FBXL18: variants seen among roughly 807,000 people sequenced by gnomAD.
FBXL18 encodes the protein F-box and leucine rich repeat protein 18, also known as F-box/LRR-repeat protein 18.
In FBXL18, 36 loss-of-function variants were observed where a neutral mutation model predicts 46.0. That is an observed-to-expected ratio of 0.78 (90% CI 0.60 to 1.03). The LOEUF (loss-of-function observed/expected upper bound fraction) is 1.03. Among genes scored for constraint, FBXL18 ranks in the 50% least tolerant of loss-of-function variants. FBXL18 has a pLI of 0.00. For synonymous variants in FBXL18, 557 were observed against 465.3 expected (o/e 1.20, Z -2.54); for missense variants, 977 against 1,004.1 (o/e 0.97, Z 0.36).
downstream of FBXL18, among the ~76,000 whole-genome samples, chr7:5,471,336 G>T (rs1783423869): frequency 6.6e-6 from 1 of 152,210 alleles, no homozygotes; most frequent in Non-Finnish European, 1.5e-5. Context: ...GAGTGCAGTG[G>T]CGCGATCTCG....
At chr7:5,473,810 T>C (rs1485431607), downstream of FBXL18, among the ~76,000 whole-genome samples, 2 of 151,954 alleles carry the variant, frequency 1.3e-5, no homozygotes, top group Non-Finnish European at 1.5e-5. Flanking sequence ...ACTCTTTTTT[T>C]AGGTGGAGTC....
chr7:5,468,394 G>A (rs1056088508), intron 4 of FBXL18, among the ~76,000 whole-genome samples: 1 of 152,180 alleles, frequency 6.6e-6, no homozygotes, highest in Admixed American at 6.6e-5. Flanking sequence ...TGGGATTACA[G>A]GCGTGAGCCA....
chr7:5,505,740 T>C, intron 1 of FBXL18, 110 bp from the exon 2 acceptor site: 1 of 843,712 alleles, frequency 1.2e-6, no homozygotes, highest in Non-Finnish European at 1.8e-6. Flanking sequence ...GGAAAGAAGG[T>C]GTTTTTACTA....
intron 4 of FBXL18, among the ~76,000 whole-genome samples, chr7:5,462,193 A>C (rs1375221396): frequency 6.6e-6 from 1 of 152,142 alleles, no homozygotes; most frequent in East Asian, 1.9e-4. Flanking sequence ...GCACCACTGC[A>C]CTCCAGCCTG....
intron 4 of FBXL18, among the ~76,000 whole-genome samples, chr7:5,485,595 C>G (rs895022453): frequency 6.6e-5 from 10 of 152,054 alleles, no homozygotes; most frequent in African/African-American, 9.7e-5. Flanking sequence ...GGGAAGATCA[C>G]TTGAGTCCAG....
chr7:5,459,085 C>T (rs564770306), intron 4 of FBXL18, among the ~76,000 whole-genome samples: 38 of 152,066 alleles, frequency 2.5e-4, no homozygotes, highest in African/African-American at 8.7e-4. Flanking sequence ...GCCAGGAAGT[C>T]GAGGCTGCAG....
downstream of FBXL18, among the ~76,000 whole-genome samples, chr7:5,475,301 G>A (rs555777532): frequency 3.5e-3 from 539 of 152,086 alleles, 5 homozygotes; most frequent in Non-Finnish European, 5.1e-3. The surrounding 1 kb of genome is among the most constrained non-coding windows in gnomAD (Gnocchi z 4.2). Flanking sequence ...CAGCCTGGGC[G>A]ACAGAGCAAG....
rs1215460826 is a variant in FBXL18, at chr7:5,501,807, G to A, written c.462C>T (p.Ser154=). 2 of 1,576,438 alleles carry A rather than the reference G, an allele frequency of 1.3e-6. No individual in the cohort carries two copies. The highest frequency in any genetic ancestry group is 2.3e-5 in the South Asian group (2 of 86,186). Residue 154 remains serine (S), a synonymous_variant, in exon 3 of 5, where the codon AGC becomes AGT. Transcript: ENST00000382368. ...QHLRSLAIDV[S]PGFDASQLSS... The stretch of plus-strand genomic sequence containing the variant: ...TCAGCTGGCTGGCGTCGAAGCCGGG[G>A]CTCACGTCGATGGCCAGCGAGCGCA...
chr7:5,473,358 C>T (rs560397464), downstream of FBXL18, among the ~76,000 whole-genome samples: 22 of 152,252 alleles, frequency 1.4e-4, no homozygotes, highest in East Asian at 4.1e-3. Context: ...CCATCCGGAT[C>T]CTGGTGCCTC....
intron 1 of FBXL18, among the ~76,000 whole-genome samples, chr7:5,510,437 A>G (rs1191766227): frequency 6.6e-6 from 1 of 151,698 alleles, no homozygotes; most frequent in Non-Finnish European, 1.5e-5. Context: ...TAATCCCAGC[A>G]CTTTGGGAGG....
chr7:5,510,018 C>T (rs1784489234), intron 1 of FBXL18, among the ~76,000 whole-genome samples: 1 of 151,956 alleles, frequency 6.6e-6, no homozygotes, highest in African/African-American at 2.4e-5. Flanking sequence ...AACCAGGGTG[C>T]AGGAAGGGCG....
chr7:5,489,192 A>G (rs1348578474), intron 4 of FBXL18: 5 of 511,220 alleles, frequency 9.8e-6, no homozygotes, highest in African/African-American at 7.7e-5. Flanking sequence ...ATAATCACTT[A>G]GGGCTTTATT....
At chr7:5,504,507 T>C (rs1413815011) in intron 2 of FBXL18, among the ~76,000 whole-genome samples, 1 of 145,154 alleles carries the variant, frequency 6.9e-6, no homozygotes, top group African/African-American at 2.5e-5. Context: ...GGTTTCACCA[T>C]GTTGGCCAGG....
intron 1 of FBXL18, among the ~76,000 whole-genome samples, chr7:5,513,375 C>A (rs758462120): frequency 4.6e-5 from 7 of 151,978 alleles, no homozygotes; most frequent in Admixed American, 2.0e-4. Flanking sequence ...CTCGGAGGAG[C>A]CTGGACCCTC....
chr7:5,466,352 C>T (rs1783340926), intron 4 of FBXL18, among the ~76,000 whole-genome samples: 1 of 152,170 alleles, frequency 6.6e-6, no homozygotes, highest in Admixed American at 6.5e-5. Context: ...AGGCCGTGCT[C>T]CTCCTGGAGG....
downstream of FBXL18, among the ~76,000 whole-genome samples, chr7:5,474,869 A>G (rs1185258383): frequency 4.0e-5 from 6 of 149,202 alleles, no homozygotes; most frequent in African/African-American, 7.4e-5. Context: ...CACCACGCCC[A>G]GCTAATATTT....
intron 4 of FBXL18, among the ~76,000 whole-genome samples, chr7:5,458,653 C>T (rs567138464): frequency 1.4e-4 from 21 of 151,460 alleles, no homozygotes; most frequent in African/African-American, 4.9e-4. Context: ...GCCAAGATTG[C>T]GCCACTGCAC....
intron 2 of FBXL18, among the ~76,000 whole-genome samples, chr7:5,504,153 G>A (rs2128238131): frequency 6.6e-6 from 1 of 151,954 alleles, no homozygotes; most frequent in East Asian, 2.0e-4. Context: ...AAGCTTGCCA[G>A]GCACAATGGG....
rs1193429051 is a variant in FBXL18 at position 5,481,659 on chromosome 7, C to T, written c.*116G>A. The T allele has an allele frequency of 5.5e-6, 6 of 1,100,482 alleles. No individual in the cohort carries two copies. The highest frequency in any genetic ancestry group is 2.2e-4 in the Middle Eastern group (1 of 4,574). 68.2% of individuals were successfully genotyped at this position (1,100,482 alleles called of 1,614,324 possible). A position where few individuals can be genotyped will look rare whatever the true frequency, so the allele number is the denominator to read the frequency against. On this transcript the variant is annotated 3_prime_UTR_variant, in exon 5 of 5. Coordinates refer to ENST00000382368, the MANE Select transcript of FBXL18 (RefSeq NM_024963.6). ...CGGGAGCCCCAGGAGCCAGGTGGGG[C>T]GTGGCTGGCCGGGAGAGAGGCCCCC...
Sources: gnomAD v4.1 joint callset for allele counts (sites outside exome capture counted in the v4.1 genomes callset) on GRCh38, gnomAD v4.1.1 for gene constraint, Gnocchi (gnomAD v3.1) non-coding constraint, MANE v1.5 for transcripts, NCBI Gene and HGNC (gene_info 2026-07-23, HGNC 2026-07-21) for gene names.